DEPDC5: variants seen among roughly 807,000 people sequenced by gnomAD.
DEPDC5 encodes the protein DEP domain containing 5, GATOR1 subcomplex subunit, also known as GATOR1 complex protein DEPDC5.
DEPDC5 carries 73 observed loss-of-function variants against 217.3 expected under a neutral mutation model. The ratio of observed to expected loss-of-function variants is 0.34; its 90% CI spans 0.28 to 0.41. The LOEUF (loss-of-function observed/expected upper bound fraction) is 0.41. DEPDC5 is among the 10% of genes least tolerant of loss of function. The pLI is 1.00. For synonymous variants in DEPDC5, 733 were observed against 756.7 expected, an observed-to-expected ratio of 0.97 and a Z score of 0.51; for missense variants, 1,675 against 2,070.1, an observed-to-expected ratio of 0.81 and a Z score of 3.70.
At chr22:31,845,983 A>G (rs1250782220) in intron 30 of DEPDC5, among the ~76,000 whole-genome samples, 2 of 151,914 alleles carry the variant, frequency 1.3e-5, no homozygotes. Flanking sequence ...CTGGGACTAA[A>G]GGTGTGCATC....
Position 31,784,839 on chromosome 22 carries a change from G to C in DEPDC5, c.588G>C (p.Val196=). Residue 196 remains valine, a synonymous_variant, in exon 10 of 43, where the codon GTG becomes GTC. Coordinates refer to ENST00000651528, the MANE Select transcript of DEPDC5 (RefSeq NM_001242896.3). ...IYGDLYFEKA[V]NGFLADLFTK... ...GGGATTTGTATTTTGAGAAAGCTGT[G>C]AATGGTTTCCTTGCTGATCTATTTA... 1.2e-6 allele frequency: 2 copies of C among 1,613,304 alleles called. No individual in the cohort carries two copies. The highest frequency in any genetic ancestry group is 1.1e-5 in the South Asian group (1 of 91,024).
At chr22:31,879,044 ATAT>A (rs1435623915) in intron 37 of DEPDC5, among the ~76,000 whole-genome samples, 8 of 74,460 alleles carry the variant, frequency 1.1e-4, no homozygotes, top group African/African-American at 1.9e-4. Context: ...AAAAAAAAAA[ATAT>A]ATATATATAT....
At chr22:31,805,962 G>C (rs984351430) in intron 17 of DEPDC5, among the ~76,000 whole-genome samples, 160 bp from the exon 18 acceptor site, 8 of 152,156 alleles carry the variant, frequency 5.3e-5, no homozygotes, top group African/African-American at 1.9e-4. Context: ...CTAATGTTTT[G>C]TAGTGAATTC....
At chr22:31,847,719 G>A (rs565589821) in intron 31 of DEPDC5, among the ~76,000 whole-genome samples, 10 of 152,280 alleles carry the variant, frequency 6.6e-5, no homozygotes, top group African/African-American at 2.4e-4. Flanking sequence ...CTCAAGATAA[G>A]ATTTGGGTGG....
At chr22:31,885,492 G>A (rs5998158) in intron 38 of DEPDC5, among the ~76,000 whole-genome samples, 11,548 of 149,958 alleles carry the variant, frequency 0.077, 480 homozygotes, top group South Asian at 0.18. Context: ...TTGGGAGGCC[G>A]AGGCGGGTGG....
chr22:31,887,933 TA>T (rs2093353042), intron 38 of DEPDC5, among the ~76,000 whole-genome samples: 1 of 152,224 alleles, frequency 6.6e-6, no homozygotes, highest in Non-Finnish European at 1.5e-5. Flanking sequence ...ACATGATTTA[TA>T]GGGGGAAGAA....
intron 7 of DEPDC5, among the ~76,000 whole-genome samples, chr22:31,770,547 A>ATTTT (rs34409975): frequency 7.5e-6 from 1 of 133,464 alleles, no homozygotes; most frequent in African/African-American, 2.8e-5. Flanking sequence ...CACGTAGCTA[A>ATTTT]TTTTTTTTTT....
At chr22:31,898,559 T>G (rs951649250) in intron 40 of DEPDC5, among the ~76,000 whole-genome samples, 1 of 152,214 alleles carries the variant, frequency 6.6e-6, no homozygotes, top group African/African-American at 2.4e-5. Context: ...AGATGCTTTC[T>G]TCTTGTCCCC....
intron 35 of DEPDC5, 58 bp from the exon 36 acceptor site, chr22:31,874,215 A>G: frequency 6.4e-7 from 1 of 1,571,110 alleles, no homozygotes; most frequent in South Asian, 1.2e-5. Flanking sequence ...CTTTCCTTCC[A>G]CTTGTTGCCA....
Position 31,792,736 on chromosome 22 carries a change from C to G in DEPDC5, c.695-9C>G, listed in dbSNP as rs745684156. 1 of 1,528,716 alleles carries G rather than the reference C, an allele frequency of 6.5e-7. No individual in the cohort carries two copies. Among genetic ancestry groups the G allele is most frequent in the Non-Finnish European group, 8.7e-7 (1 of 1,146,252 alleles). 94.7% of individuals were successfully genotyped at this position (1,528,716 alleles called of 1,614,324 possible). A position where few individuals can be genotyped will look rare whatever the true frequency, so the allele number is the denominator to read the frequency against. On this transcript the variant is annotated splice_polypyrimidine_tract_variant and intron_variant, in intron 11 of 42. Coordinates refer to ENST00000651528, the MANE Select transcript of DEPDC5 (RefSeq NM_001242896.3). ...GCCTGAACTACATACTCCGTTTTCT[C>G]TATTTCAGATGAATTTCCTGAAATA... is the stretch of plus-strand genomic sequence containing the variant.
At position 31,767,134 on chromosome 22, in the gene DEPDC5, T is replaced by C. The variant is rs1031990036; in HGVS notation, c.363+466T>C. 8.3e-4 allele frequency among the ~76,000 whole-genome samples: 119 copies of C among 144,212 alleles called. 1 individual carries two copies. The highest frequency in any genetic ancestry group is 3.5e-3 in the Middle Eastern group (1 of 284). The allele number at this position is 144,212 out of a possible 152,430, so 94.6% of individuals were successfully genotyped here. On this transcript the variant is annotated intron_variant, in intron 6 of 42. Coordinates refer to ENST00000651528, the MANE Select transcript of DEPDC5 (RefSeq NM_001242896.3). Reference sequence around the variant, plus strand: ...CTATACCCTCTTCCCGTTTTCCACATGTATTCATTGTTTTTTTTTTTTTCT... The same window carrying C: ...CTATACCCTCTTCCCGTTTTCCACACGTATTCATTGTTTTTTTTTTTTTCT...
intron 41 of DEPDC5, among the ~76,000 whole-genome samples, chr22:31,905,685 G>A (rs2093744767): frequency 6.6e-6 from 1 of 152,030 alleles, no homozygotes; most frequent in African/African-American, 2.4e-5. Flanking sequence ...AAGGCTGGAT[G>A]AAGAGTGCAG....
At position 31,874,418 on chromosome 22, in the gene DEPDC5, G is replaced by A. The variant is rs1401678018; in HGVS notation, c.3696+13G>A. Reference sequence around the variant, plus strand: ...TGACATCATGCAGGTGAGACAGCAAGAGGGGCCCATAGAGCTGTTTGCTTA... The same window carrying A: ...TGACATCATGCAGGTGAGACAGCAAAAGGGGCCCATAGAGCTGTTTGCTTA... On this transcript the variant is annotated intron_variant, in intron 36 of 42. Transcript: ENST00000651528. The A allele has an allele frequency of 6.2e-7, 1 of 1,607,656 alleles. No individual in the cohort carries two copies. Among genetic ancestry groups the A allele is most frequent in the African/African-American group, 1.3e-5 (1 of 74,826 alleles).
chr22:31,881,508 A>T (rs1569191680), intron 38 of DEPDC5, among the ~76,000 whole-genome samples: 2 of 151,688 alleles, frequency 1.3e-5, no homozygotes, highest in Non-Finnish European at 2.9e-5. Context: ...TTTTTTTGGG[A>T]TTAAAGAAGC....
intron 6 of DEPDC5, among the ~76,000 whole-genome samples, chr22:31,768,053 TA>T (rs1206389766): frequency 1.3e-5 from 2 of 150,346 alleles, no homozygotes; most frequent in East Asian, 1.9e-4. Flanking sequence ...CCCCATTTTT[TA>T]AAAAAAAATA....
intron 37 of DEPDC5, 152 bp from the exon 38 acceptor site, chr22:31,879,373 G>A (rs537773199): frequency 1.3e-5 from 9 of 715,988 alleles, no homozygotes; most frequent in South Asian, 5.7e-5. Context: ...TATTTGCTAC[G>A]TTTCACATAA....
chr22:31,885,773 C>T (rs1299808344), intron 38 of DEPDC5, among the ~76,000 whole-genome samples: 11 of 149,052 alleles, frequency 7.4e-5, no homozygotes, highest in Non-Finnish European at 1.0e-4. Context: ...CAGTGGCTCA[C>T]GCCTGTAATC....
intron 21 of DEPDC5, chr22:31,815,610 T>C: frequency 1.6e-6 from 1 of 606,382 alleles, no homozygotes; most frequent in Admixed American, 3.1e-5. Context: ...CTCACCTCAG[T>C]GCGGCCTTGA....
intron 39 of DEPDC5, among the ~76,000 whole-genome samples, chr22:31,896,869 T>C (rs1187126359): frequency 6.6e-6 from 1 of 152,188 alleles, no homozygotes; most frequent in East Asian, 1.9e-4. Flanking sequence ...CCTATAATCC[T>C]AGCATTTGGG....
Sources: allele counts gnomAD v4.1 joint callset (sites outside exome capture counted in the v4.1 genomes callset), GRCh38; gene constraint gnomAD v4.1.1; transcripts MANE v1.5; gene names NCBI Gene and HGNC (gene_info 2026-07-23, HGNC 2026-07-21).